Variants in PIERCE2 observed in about 807,000 individuals in gnomAD.
The protein encoded by PIERCE2 is piercer of microtubule wall 2 protein.
chr15:55,418,718 T>A, the PIERCE2 span: 1 of 559,620 alleles, frequency 1.8e-6, no homozygotes, highest in South Asian at 3.1e-5. Flanking sequence ...GATAACTACA[T>A]GACAGTGACT....
chr15:55,408,764 C>A, the PIERCE2 span: 3 of 1,525,288 alleles, frequency 2.0e-6, no homozygotes, highest in Non-Finnish European at 2.6e-6. Flanking sequence ...CAAAGAAGAG[C>A]GAAAATGACA....
chr15:55,408,626 T>G, the PIERCE2 span: 1 of 595,674 alleles, frequency 1.7e-6, no homozygotes, highest in Non-Finnish European at 3.0e-6. Flanking sequence ...TTACACATAC[T>G]GATCCACCCA....
the PIERCE2 span, among the ~76,000 whole-genome samples, chr15:55,410,179 T>C: frequency 6.6e-6 from 1 of 152,184 alleles, no homozygotes; most frequent in East Asian, 1.9e-4. Context: ...AAATTTTTAA[T>C]TTAAGATTTA....
At chr15:55,418,143 G>C in the PIERCE2 span, 1 of 1,570,136 alleles carries the variant, frequency 6.4e-7, no homozygotes, top group Non-Finnish European at 8.6e-7. Flanking sequence ...CCTGAAAAAG[G>C]GAAGTGGGTG....
chr15:55,418,400 T>C, the PIERCE2 span: 1 of 1,533,376 alleles, frequency 6.5e-7, no homozygotes, highest in Non-Finnish European at 8.7e-7. Context: ...TTCAAGTCAT[T>C]ATGGTGAATT....
At chr15:55,408,667 G>T in the PIERCE2 span, 2 of 698,932 alleles carry the variant, frequency 2.9e-6, no homozygotes, top group South Asian at 1.6e-5. Context: ...TGCTTTAATT[G>T]GGTGCGGTTA....
the PIERCE2 span, chr15:55,408,800 G>C: frequency 5.3e-6 from 8 of 1,517,528 alleles, no homozygotes; most frequent in Admixed American, 6.1e-5. Flanking sequence ...AGTTTAGGCA[G>C]AGGGCTAGAT....
At chr15:55,417,044 C>T in the PIERCE2 span, among the ~76,000 whole-genome samples, 1 of 68,244 alleles carries the variant, frequency 1.5e-5, no homozygotes, top group East Asian at 5.6e-4. Flanking sequence ...GTCATCATTA[C>T]TCACATGGAC....
chr15:55,414,352 G>T, the PIERCE2 span, among the ~76,000 whole-genome samples: 1 of 151,742 alleles, frequency 6.6e-6, no homozygotes, highest in Non-Finnish European at 1.5e-5. Flanking sequence ...TGGGATTACA[G>T]GTGTGTGCCA....
At chr15:55,408,873 C>A in the PIERCE2 span, 3 of 894,798 alleles carry the variant, frequency 3.4e-6, no homozygotes, top group South Asian at 1.6e-5. Flanking sequence ...CCACCCCCAA[C>A]CCCACAACCC....
the PIERCE2 span, among the ~76,000 whole-genome samples, chr15:55,415,695 A>C: frequency 6.6e-6 from 1 of 152,134 alleles, no homozygotes; most frequent in African/African-American, 2.4e-5. Flanking sequence ...GGATTTTCAC[A>C]ATGCTTTTCC....
the PIERCE2 span, among the ~76,000 whole-genome samples, chr15:55,412,742 C>T: frequency 1.3e-5 from 2 of 152,098 alleles, no homozygotes; most frequent in African/African-American, 4.8e-5. Context: ...ACAGCCAGTG[C>T]ACTCCAGCCT....
chr15:55,414,199 GT>G, the PIERCE2 span, among the ~76,000 whole-genome samples: 4 of 40,938 alleles, frequency 9.8e-5, no homozygotes, highest in Middle Eastern at 0.021. Flanking sequence ...GCCAGGCCTG[GT>G]TTTTTTTTGT....
the PIERCE2 span, chr15:55,408,608 G>C: frequency 7.0e-6 from 3 of 426,490 alleles, no homozygotes; most frequent in East Asian, 7.1e-5. Context: ...CGGATTAAAC[G>C]GATAGGTTTA....
At chr15:55,410,183 A>C in the PIERCE2 span, among the ~76,000 whole-genome samples, 1 of 152,192 alleles carries the variant, frequency 6.6e-6, no homozygotes, top group Non-Finnish European at 1.5e-5. Context: ...TTTTAATTTA[A>C]GATTTAGCTT....
the PIERCE2 span, chr15:55,418,108 T>G: frequency 6.3e-7 from 1 of 1,585,806 alleles, no homozygotes; most frequent in Non-Finnish European, 8.5e-7. Flanking sequence ...GGCCTGACAT[T>G]CAATGCCCTC....
the PIERCE2 span, among the ~76,000 whole-genome samples, chr15:55,416,950 G>T: frequency 6.6e-6 from 1 of 151,994 alleles, no homozygotes; most frequent in Non-Finnish European, 1.5e-5. Flanking sequence ...GACAGAGCGA[G>T]ACTCTGTCTC....
chr15:55,417,869 T>A, the PIERCE2 span: 5 of 347,302 alleles, frequency 1.4e-5, no homozygotes, highest in Non-Finnish European at 2.1e-5. Flanking sequence ...GGGTAGGTAA[T>A]GGAAAATTAC....
At chr15:55,416,034 A>G in the PIERCE2 span, among the ~76,000 whole-genome samples, 2 of 152,134 alleles carry the variant, frequency 1.3e-5, no homozygotes, top group African/African-American at 4.8e-5. Context: ...TCAGAATTTC[A>G]GGATTCAGTC....
Sources: gnomAD v4.1 joint callset for allele counts (sites outside exome capture counted in the v4.1 genomes callset) on GRCh38, gnomAD v4.1.1 for gene constraint, MANE v1.5 for transcripts, NCBI Gene and HGNC (gene_info 2026-07-23, HGNC 2026-07-21) for gene names.